Variants in MIR2052HG observed in about 807,000 individuals in gnomAD.
MIR2052HG encodes MIR2052 host gene.
At chr8:74,603,715 G>A (rs1808060618) in intron 1 of MIR2052HG, 3 of 906,834 alleles carry the variant, frequency 3.3e-6, no homozygotes, top group Admixed American at 1.7e-5. Flanking sequence ...GAGCTGGTAC[G>A]GGATGGTCAC....
intron 4 of MIR2052HG, among the ~76,000 whole-genome samples, chr8:74,745,103 A>G (rs1395409867): frequency 6.6e-6 from 1 of 152,062 alleles, no homozygotes; most frequent in African/African-American, 2.4e-5. Context: ...TACAAAAAAA[A>G]ATGTGAAAAA....
At chr8:74,652,022 T>A (rs893428206) in intron 2 of MIR2052HG, among the ~76,000 whole-genome samples, 4 of 152,202 alleles carry the variant, frequency 2.6e-5, no homozygotes, top group African/African-American at 9.6e-5. Context: ...GCCTTATTTC[T>A]CAGTCGACTT....
intron 2 of MIR2052HG, among the ~76,000 whole-genome samples, chr8:74,630,172 T>C (rs914046097): frequency 6.6e-6 from 1 of 152,212 alleles, no homozygotes; most frequent in Admixed American, 6.5e-5. Context: ...ACATTTTTTT[T>C]CCTAAATCAA....
At chr8:74,617,307 C>G (rs1808296703) in intron 2 of MIR2052HG, among the ~76,000 whole-genome samples, 1 of 152,076 alleles carries the variant, frequency 6.6e-6, no homozygotes, top group Non-Finnish European at 1.5e-5. Context: ...GTGTGCCCAT[C>G]ATTTAGCTCT....
intron 2 of MIR2052HG, among the ~76,000 whole-genome samples, chr8:74,675,283 G>C (rs1809038904): frequency 6.6e-6 from 1 of 151,966 alleles, no homozygotes; most frequent in African/African-American, 2.4e-5. Flanking sequence ...ATGTAGTTAG[G>C]CTTGTGATGG....
intron 2 of MIR2052HG, among the ~76,000 whole-genome samples, chr8:74,673,025 C>A (rs1319725521): frequency 6.6e-6 from 1 of 151,942 alleles, no homozygotes; most frequent in Non-Finnish European, 1.5e-5. Context: ...TGAATGAGAC[C>A]TTCAATCTAC....
intron 5 of MIR2052HG, chr8:74,757,095 AGAGT>A (rs1810012863): frequency 6.6e-6 from 1 of 152,268 alleles, no homozygotes; most frequent in Non-Finnish European, 1.5e-5. Context: ...TGGGAGGGAA[AGAGT>A]GAGTGGTTCA....
intron 2 of MIR2052HG, among the ~76,000 whole-genome samples, chr8:74,662,370 G>T (rs565502689): frequency 6.7e-6 from 1 of 149,962 alleles, no homozygotes; most frequent in South Asian, 2.1e-4. Context: ...TTCCGCATAA[G>T]AAGTAGGATT....
intron 2 of MIR2052HG, among the ~76,000 whole-genome samples, chr8:74,623,308 C>T (rs117231028): frequency 4.0e-3 from 612 of 152,196 alleles, no homozygotes; most frequent in Non-Finnish European, 5.6e-3. Flanking sequence ...AGAGAAATTT[C>T]CTTAGGTGGG....
At chr8:74,662,865 TG>T (rs1563526137) in intron 2 of MIR2052HG, among the ~76,000 whole-genome samples, 1 of 126,880 alleles carries the variant, frequency 7.9e-6, no homozygotes, top group African/African-American at 4.2e-5. Context: ...CATTTGTGTG[TG>T]TGTGTGTGTG....
intron 4 of MIR2052HG, among the ~76,000 whole-genome samples, chr8:74,740,190 G>A (rs1256486406): frequency 2.6e-5 from 4 of 152,010 alleles, no homozygotes; most frequent in Non-Finnish European, 4.4e-5. Context: ...TGGGCTAGGC[G>A]CAGTGGGTCA....
chr8:74,663,250 C>T (rs1331696956), intron 2 of MIR2052HG, among the ~76,000 whole-genome samples: 1 of 151,944 alleles, frequency 6.6e-6, no homozygotes, highest in African/African-American at 2.4e-5. Flanking sequence ...AGCATCATGC[C>T]ACAGCTGGAG....
In MIR2052HG at chr8:74,752,933, C is replaced by T. The variant is rs566371894; in HGVS notation, n.464+400C>T. 2.0e-5 allele frequency among the ~76,000 whole-genome samples: 3 copies of T among 152,310 alleles called. No individual in the cohort carries two copies. In the South Asian group the frequency reaches 6.2e-4, roughly 32 times the overall value. Reference sequence around the variant, plus strand: ...GATTCACCTGCATGATTCCTTAAAACGGCAACTTTATGCAAGTGACTATTT... The same window carrying T: ...GATTCACCTGCATGATTCCTTAAAATGGCAACTTTATGCAAGTGACTATTT... On this transcript the variant is annotated intron_variant and non_coding_transcript_variant, in intron 5 of 6. Coordinates refer to ENST00000523442, the Ensembl canonical transcript of MIR2052HG.
chr8:74,721,315 CTG>C (rs1425866745), intron 4 of MIR2052HG, among the ~76,000 whole-genome samples: 1 of 152,186 alleles, frequency 6.6e-6, no homozygotes, highest in African/African-American at 2.4e-5. Context: ...AGTTTTTATT[CTG>C]TGTTTCACTT....
intron 4 of MIR2052HG, among the ~76,000 whole-genome samples, chr8:74,725,635 T>G (rs1003354269): frequency 6.6e-6 from 1 of 152,162 alleles, no homozygotes; most frequent in African/African-American, 2.4e-5. Context: ...TAAATTTACT[T>G]GATCATCCCA....
chr8:74,694,208 C>G (rs1178810737), intron 2 of MIR2052HG, among the ~76,000 whole-genome samples: 1 of 152,168 alleles, frequency 6.6e-6, no homozygotes, highest in East Asian at 1.9e-4. Flanking sequence ...CTCCCCAGTA[C>G]CAGCCGAGAG....
At chr8:74,643,712 A>G (rs992242047) in intron 2 of MIR2052HG, among the ~76,000 whole-genome samples, 1 of 152,224 alleles carries the variant, frequency 6.6e-6, no homozygotes, top group African/African-American at 2.4e-5. Flanking sequence ...AACTTTAGAG[A>G]TAAGTAGCAA....
At chr8:74,679,783 C>A (rs1372708553) in intron 2 of MIR2052HG, among the ~76,000 whole-genome samples, 2 of 152,012 alleles carry the variant, frequency 1.3e-5, no homozygotes, top group Non-Finnish European at 2.9e-5. Flanking sequence ...CTCAAGTGAT[C>A]CACCCATCTT....
chr8:74,724,319 A>G (rs1395561655), intron 4 of MIR2052HG, among the ~76,000 whole-genome samples: 1 of 152,116 alleles, frequency 6.6e-6, no homozygotes, highest in African/African-American at 2.4e-5. Flanking sequence ...TTTTCAGGAG[A>G]TAACAGCACA....
Sources: gnomAD v4.1 joint callset for allele counts (sites outside exome capture counted in the v4.1 genomes callset) on GRCh38, gnomAD v4.1.1 for gene constraint, MANE v1.5 for transcripts, NCBI Gene and HGNC (gene_info 2026-07-23, HGNC 2026-07-21) for gene names.